ANAPC1: variants seen among roughly 807,000 people sequenced by gnomAD.
ANAPC1 encodes the protein anaphase promoting complex subunit 1, also known as anaphase-promoting complex subunit 1.
Under a neutral mutation model 208.0 loss-of-function variants are expected in ANAPC1, and 36 were observed. That is an observed-to-expected ratio of 0.17 (90% CI 0.13 to 0.23). The LOEUF (loss-of-function observed/expected upper bound fraction) is 0.23. ANAPC1 is among the 10% of genes least tolerant of loss of function. ANAPC1 has a pLI of 1.00. For missense variants in ANAPC1, 942 were observed against 2,011.6 expected, an observed-to-expected ratio of 0.47 and a Z score of 10.17; for synonymous variants, 378 against 695.2, an observed-to-expected ratio of 0.54 and a Z score of 7.18.
intron 21 of ANAPC1, among the ~76,000 whole-genome samples, chr2:111,829,807 C>A (rs184641692): frequency 2.0e-5 from 3 of 152,246 alleles, no homozygotes; most frequent in Admixed American, 6.5e-5. Context: ...CGGTGGCTCA[C>A]ACCTGTAATC....
chr2:111,816,231 T>TCCCA, intron 27 of ANAPC1, among the ~76,000 whole-genome samples: 1 of 147,024 alleles, frequency 6.8e-6, no homozygotes, highest in African/African-American at 2.6e-5. Flanking sequence ...GCCATTGCAC[T>TCCCA]CCCACCTGGG....
intron 19 of ANAPC1, 86 bp from the exon 20 acceptor site, chr2:111,833,397 A>C: frequency 7.2e-7 from 1 of 1,393,606 alleles, no homozygotes; most frequent in Non-Finnish European, 9.5e-7. Context: ...TGAATCTTTT[A>C]ATTTAAAAAC....
chr2:111,826,982 T>C (rs890927092), intron 21 of ANAPC1, among the ~76,000 whole-genome samples: 15 of 152,144 alleles, frequency 9.9e-5, no homozygotes, highest in Admixed American at 7.2e-4. Flanking sequence ...CGGGTCTTTA[T>C]GTAGGCATAT....
chr2:111,879,436 T>C (rs1573527589), intron 2 of ANAPC1, among the ~76,000 whole-genome samples: 1 of 152,308 alleles, frequency 6.6e-6, no homozygotes, highest in East Asian at 1.9e-4. Flanking sequence ...CCAAAATGAA[T>C]GGAAGAAAGA....
chr2:111,875,202 A>G (rs1324820492), intron 3 of ANAPC1, among the ~76,000 whole-genome samples: 1 of 152,202 alleles, frequency 6.6e-6, no homozygotes, highest in Non-Finnish European at 1.5e-5. Flanking sequence ...GTGCTTACTG[A>G]CCATGTGTGC....
intron 47 of ANAPC1, among the ~76,000 whole-genome samples, chr2:111,769,867 A>G (rs1042126181): frequency 6.0e-5 from 9 of 150,260 alleles, no homozygotes; most frequent in African/African-American, 1.9e-4. Flanking sequence ...TATTTTTAGT[A>G]GAGATGGGGT....
intron 10 of ANAPC1, among the ~76,000 whole-genome samples, chr2:111,861,252 T>C (rs1464427423): frequency 2.6e-5 from 4 of 152,172 alleles, no homozygotes; most frequent in Admixed American, 1.3e-4. Context: ...ATTTTTGTAT[T>C]TGTAGTAGAC....
intron 22 of ANAPC1, among the ~76,000 whole-genome samples, chr2:111,825,454 A>G (rs1382631819): frequency 6.6e-6 from 1 of 152,184 alleles, no homozygotes; most frequent in Non-Finnish European, 1.5e-5. Flanking sequence ...TGCATTTTCT[A>G]TCTGCATTTG....
In ANAPC1 at chr2:111,868,074, T is replaced by A. The variant is rs1558738643; in HGVS notation, c.634A>T (p.Ser212Cys). 1.3e-6 allele frequency: 2 copies of A among 1,597,782 alleles called. No individual in the cohort carries two copies. Among genetic ancestry groups the A allele is most frequent in the South Asian group, 2.3e-5 (2 of 86,734 alleles). Residue 212 changes from serine to cysteine, a missense_variant, in exon 7 of 48, where the codon AGC (serine) becomes TGC (cysteine). Coordinates refer to ENST00000341068, the MANE Select transcript of ANAPC1 (RefSeq NM_022662.4). ...SPREPLPTMFSMLHPLDEITP... is the reference protein window; with the variant it reads ...SPREPLPTMFCMLHPLDEITP... ...ATTTCATCTAGTGGGTGCAGCATGC[T>A]GAACATAGTAGGTAAAGGTTCTCTA... is the stretch of plus-strand genomic sequence containing the variant.
chr2:111,843,368 C>G (rs1285543059), intron 17 of ANAPC1, 44 bp downstream of exon 17: 1 of 1,599,448 alleles, frequency 6.3e-7, no homozygotes, highest in Non-Finnish European at 8.6e-7. Flanking sequence ...GCAACCATTA[C>G]ATTAACAGAA....
chr2:111,856,348 A>T, intron 13 of ANAPC1: 1 of 326,284 alleles, frequency 3.1e-6, no homozygotes, highest in Non-Finnish European at 5.8e-6. Context: ...TAAAAAAAAA[A>T]AAAAATCTAC....
At chr2:111,837,826 G>A (rs1279887204) in intron 18 of ANAPC1, among the ~76,000 whole-genome samples, 2 of 152,084 alleles carry the variant, frequency 1.3e-5, no homozygotes, top group Non-Finnish European at 2.9e-5. Flanking sequence ...GCTCATGCCT[G>A]TAATCCCAGC....
In ANAPC1 at chr2:111,843,564, G is replaced by T. The variant is rs780536707; in HGVS notation, c.1888C>A (p.Pro630Thr). The change falls in exon 17 of 48, where the codon CCA (proline) becomes ACA (threonine). Residue 630 changes from proline to threonine, a missense_variant. Pro to Thr is a conservative substitution (Grantham distance 38). Coordinates refer to ENST00000341068, the MANE Select transcript of ANAPC1 (RefSeq NM_022662.4). ...AGCATCTGAACTGCTATTTCTTTTG[G>T]CAGGATAAACTTAATTGCTTGCAAA... ...TCLQAIKFIL[P>T]KEIAVQMLVK... The T allele has an allele frequency of 7.4e-6, 12 of 1,611,600 alleles. No homozygotes were observed. In the Admixed American group the frequency reaches 2.0e-4, roughly 27 times the overall value.
At chr2:111,876,490 C>A (rs1301010776) in intron 3 of ANAPC1, among the ~76,000 whole-genome samples, 1 of 152,086 alleles carries the variant, frequency 6.6e-6, no homozygotes, top group Non-Finnish European at 1.5e-5. Context: ...TATCTAACTG[C>A]ACTTCCATAG....
At chr2:111,808,303 G>C (rs1678797550) in intron 29 of ANAPC1, among the ~76,000 whole-genome samples, 1 of 152,182 alleles carries the variant, frequency 6.6e-6, no homozygotes, top group African/African-American at 2.4e-5. Context: ...GGACATATAA[G>C]TATGTAACTA....
intron 19 of ANAPC1, among the ~76,000 whole-genome samples, chr2:111,833,607 A>G (rs1431171013): frequency 6.6e-6 from 1 of 150,870 alleles, no homozygotes; most frequent in Non-Finnish European, 1.5e-5. Context: ...AAACCTCAGT[A>G]TTTTCTTCTA....
At chr2:111,835,261 C>T (rs1680402568) in intron 18 of ANAPC1, among the ~76,000 whole-genome samples, 1 of 152,166 alleles carries the variant, frequency 6.6e-6, no homozygotes. Flanking sequence ...GGAAGGTCCA[C>T]CTGCATTCAG....
downstream of ANAPC1, chr2:111,767,118 A>C: frequency 1.6e-5 from 6 of 377,590 alleles, 1 homozygote; most frequent in South Asian, 1.2e-4. Context: ...ATTTCTATCT[A>C]TCTAAGTAGA....
At chr2:111,855,688 C>G (rs1681667930) in intron 13 of ANAPC1, among the ~76,000 whole-genome samples, 1 of 152,054 alleles carries the variant, frequency 6.6e-6, no homozygotes, top group African/African-American at 2.4e-5. Context: ...ACATACATAA[C>G]TGTAAAAACT....
Sources: allele counts gnomAD v4.1 joint callset (sites outside exome capture counted in the v4.1 genomes callset), GRCh38; gene constraint gnomAD v4.1.1; transcripts MANE v1.5; gene names NCBI Gene and HGNC (gene_info 2026-07-23, HGNC 2026-07-21).